The following INSL6 variants were observed in gnomAD, a reference collection of about 807,000 sequenced individuals.
INSL6 encodes the protein insulin like 6, also known as insulin-like peptide INSL6.
A neutral mutation model predicts 9.4 loss-of-function variants in INSL6; 16 were observed. That is an observed-to-expected ratio of 1.70 (90% CI 1.15 to 2.59). The LOEUF (loss-of-function observed/expected upper bound fraction) is 2.59. Ranked by LOEUF, INSL6 falls within the 30% of genes most tolerant of loss-of-function variation. INSL6 has a pLI of 0.00. For synonymous variants in INSL6, 154 were observed against 96.9 expected, an observed-to-expected ratio of 1.59 and a Z score of -3.46; for missense variants, 391 against 257.3, an observed-to-expected ratio of 1.52 and a Z score of -3.56.
intron 2 of INSL6, among the ~76,000 whole-genome samples, chr9:5,141,084 C>G (rs183035935): frequency 1.3e-5 from 2 of 152,104 alleles, no homozygotes; most frequent in Non-Finnish European, 2.9e-5. Context: ...TGTATATGTA[C>G]CACATTTTTT....
the INSL6 span, among the ~76,000 whole-genome samples, chr9:4,994,264 A>T: frequency 1.3e-5 from 2 of 152,320 alleles, no homozygotes; most frequent in East Asian, 3.9e-4. Flanking sequence ...ACATTGTTTC[A>T]CTTAAAGTCA....
intron 1 of INSL6, among the ~76,000 whole-genome samples, chr9:5,182,382 T>C (rs919298105): frequency 1.1e-4 from 17 of 151,900 alleles, no homozygotes; most frequent in African/African-American, 2.2e-4. Context: ...ATTACAACAA[T>C]TGCCAAGGAG....
chr9:5,042,304 A>AT, the INSL6 span, among the ~76,000 whole-genome samples: 1 of 150,998 alleles, frequency 6.6e-6, no homozygotes, highest in African/African-American at 2.4e-5. Flanking sequence ...CGCCCGGCTA[A>AT]TTTTTTGTAT....
chr9:5,119,388 C>G (rs912045571), downstream of INSL6, among the ~76,000 whole-genome samples: 3 of 151,510 alleles, frequency 2.0e-5, no homozygotes, highest in Non-Finnish European at 2.9e-5. Context: ...AAATTATGCA[C>G]TTTCATGTAT....
downstream of INSL6, among the ~76,000 whole-genome samples, chr9:5,122,423 C>T (rs572037928): frequency 7.9e-5 from 12 of 152,004 alleles, no homozygotes; most frequent in Non-Finnish European, 1.5e-4. Flanking sequence ...CAATTTTTTT[C>T]TCCAGCATAT....
the INSL6 span, among the ~76,000 whole-genome samples, chr9:5,002,703 T>G: frequency 6.6e-6 from 1 of 152,010 alleles, no homozygotes; most frequent in African/African-American, 2.4e-5. Flanking sequence ...TTTTTGTTAA[T>G]TCCTGAGAAA....
intron 1 of INSL6, among the ~76,000 whole-genome samples, chr9:5,165,154 T>C (rs1469499079): frequency 6.6e-6 from 1 of 152,126 alleles, no homozygotes; most frequent in Non-Finnish European, 1.5e-5. Context: ...GAAGTTGCAG[T>C]GAGCCGAGAT....
At chr9:5,072,482 T>A in the INSL6 span, 2 of 1,528,168 alleles carry the variant, frequency 1.3e-6, no homozygotes, top group Admixed American at 2.0e-5. Flanking sequence ...TTTACCTTTT[T>A]CTCTTGAAGA....
chr9:5,030,939 TCTTATATGCAAG>T, the INSL6 span, among the ~76,000 whole-genome samples: 1 of 152,108 alleles, frequency 6.6e-6, no homozygotes, highest in Non-Finnish European at 1.5e-5. Context: ...TCAACAGCAT[TCTTATATGCAAG>T]CAACCAGTTA....
intron 3 of INSL6, among the ~76,000 whole-genome samples, chr9:5,130,221 G>C (rs1466815331): frequency 3.3e-5 from 5 of 152,048 alleles, no homozygotes; most frequent in Non-Finnish European, 5.9e-5. Context: ...CCCTGTTCTA[G>C]TTATTTGTAT....
chr9:5,078,572 CT>C, the INSL6 span: 3 of 719,636 alleles, frequency 4.2e-6, no homozygotes, highest in African/African-American at 1.8e-5. Flanking sequence ...AAAATTATCA[CT>C]TTTAGCAATT....
At chr9:5,093,182 C>G in the INSL6 span, among the ~76,000 whole-genome samples, 1 of 152,282 alleles carries the variant, frequency 6.6e-6, no homozygotes, top group African/African-American at 2.4e-5. Flanking sequence ...AGATATTTTA[C>G]AATAAGCATC....
At chr9:5,088,709 G>C in the INSL6 span, among the ~76,000 whole-genome samples, 1 of 152,200 alleles carries the variant, frequency 6.6e-6, no homozygotes, top group Admixed American at 6.5e-5. Context: ...GGCAGGGATT[G>C]GTTTCTAGTG....
the INSL6 span, among the ~76,000 whole-genome samples, chr9:5,088,628 C>A: frequency 6.6e-6 from 1 of 152,128 alleles, no homozygotes; most frequent in Non-Finnish European, 1.5e-5. Flanking sequence ...ATACCATAGA[C>A]TGGGTAGCTT....
chr9:5,180,842 G>A (rs1358339096), intron 1 of INSL6, among the ~76,000 whole-genome samples: 2 of 152,232 alleles, frequency 1.3e-5, no homozygotes, highest in African/African-American at 2.4e-5. Flanking sequence ...TGTTCCCTCA[G>A]AAGCATGTCA....
chr9:5,043,924 T>C, the INSL6 span, among the ~76,000 whole-genome samples: 3 of 152,224 alleles, frequency 2.0e-5, no homozygotes, highest in Admixed American at 6.5e-5. Context: ...AATTTTACAC[T>C]TTAAGTGGGT....
chr9:5,015,203 T>A, the INSL6 span, among the ~76,000 whole-genome samples: 1 of 152,184 alleles, frequency 6.6e-6, no homozygotes, highest in Admixed American at 6.5e-5. Context: ...GTTTGCAGTT[T>A]TTGCCATTGG....
At chr9:5,125,400 T>TATAGA (rs1232316759) in intron 3 of INSL6, among the ~76,000 whole-genome samples, 16 of 151,460 alleles carry the variant, frequency 1.1e-4, no homozygotes, top group Non-Finnish European at 2.1e-4. Context: ...TAGCATTCCA[T>TATAGA]CATAAGGCTA....
At chr9:4,992,120 T>C in the INSL6 span, among the ~76,000 whole-genome samples, 1 of 152,172 alleles carries the variant, frequency 6.6e-6, no homozygotes, top group African/African-American at 2.4e-5. Context: ...CAGGGGTGAC[T>C]TGAAGGCAAA....
Sources: allele counts gnomAD v4.1 joint callset (sites outside exome capture counted in the v4.1 genomes callset), GRCh38; gene constraint gnomAD v4.1.1; transcripts MANE v1.5; gene names NCBI Gene and HGNC (gene_info 2026-07-23, HGNC 2026-07-21).